The following PRKAG2 variants were observed in gnomAD, a reference collection of about 807,000 sequenced individuals.
PRKAG2 encodes 5'-AMP-activated protein kinase subunit gamma-2.
Under a neutral mutation model 69.6 loss-of-function variants are expected in PRKAG2, and 26 were observed. The ratio of observed to expected loss-of-function variants is 0.37; its 90% CI spans 0.27 to 0.52. The LOEUF is 0.52. Among genes scored for constraint, PRKAG2 ranks in the 20% least tolerant of loss-of-function variants. PRKAG2 has a pLI of 0.90. For synonymous variants in PRKAG2, 293 were observed against 285.0 expected, an observed-to-expected ratio of 1.03 and a Z score of -0.28; for missense variants, 557 against 740.0, an observed-to-expected ratio of 0.75 and a Z score of 2.87.
intron 5 of PRKAG2, among the ~76,000 whole-genome samples, chr7:151,605,343 T>C (rs1444693486): frequency 6.6e-6 from 1 of 151,614 alleles, no homozygotes; most frequent in African/African-American, 2.4e-5. Flanking sequence ...TTAAAATAAA[T>C]TATAATAAAC....
intron 1 of PRKAG2, among the ~76,000 whole-genome samples, chr7:151,870,378 G>A (rs923355688): frequency 1.3e-5 from 2 of 152,324 alleles, no homozygotes; most frequent in East Asian, 1.9e-4. Context: ...TCTGGGCTAC[G>A]AAGCAGAATT....
chr7:151,610,939 G>C (rs944338082), intron 5 of PRKAG2, among the ~76,000 whole-genome samples: 2 of 151,528 alleles, frequency 1.3e-5, no homozygotes, highest in Non-Finnish European at 1.5e-5. Context: ...TTTTTTGGTA[G>C]AGATGGGGTT....
At position 151,780,766 on chromosome 7, in the gene PRKAG2, T is replaced by C. The variant is rs2076622075; in HGVS notation, c.466+386A>G. 6.6e-6 allele frequency among the ~76,000 whole-genome samples: 1 copy of C among 152,106 alleles called. No homozygotes were observed. Among genetic ancestry groups the C allele is most frequent in the South Asian group, 2.1e-4 (1 of 4,818 alleles). On this transcript the variant is annotated intron_variant, in intron 3 of 15. Transcript: ENST00000287878. The surrounding 1 kb of genome is among the most constrained non-coding windows in gnomAD (Gnocchi z 4.2). ...AGCCATATCAGGCTGACCAAAGCAG[T>C]ATGGTCCCGTGGCCCCGGGTGAGGG... is the stretch of plus-strand genomic sequence containing the variant.
chr7:151,778,891 TA>T (rs1247135332), intron 3 of PRKAG2, among the ~76,000 whole-genome samples: 1 of 152,066 alleles, frequency 6.6e-6, no homozygotes, highest in Non-Finnish European at 1.5e-5. Context: ...TTTTAAAAAA[TA>T]AAAAAGGTAT....
intron 3 of PRKAG2, among the ~76,000 whole-genome samples, chr7:151,760,308 C>T (rs1376947901): frequency 2.0e-5 from 3 of 152,318 alleles, no homozygotes; most frequent in Non-Finnish European, 4.4e-5. Flanking sequence ...AGGATCTCGG[C>T]TCACTGCAAC....
At chr7:151,612,306 T>C (rs1398247763) in intron 5 of PRKAG2, among the ~76,000 whole-genome samples, 2 of 152,106 alleles carry the variant, frequency 1.3e-5, no homozygotes, top group African/African-American at 4.8e-5. Flanking sequence ...TCTTGCAGGG[T>C]GTTCCTAGTT....
At chr7:151,624,599 G>A (rs1035329619) in intron 5 of PRKAG2, among the ~76,000 whole-genome samples, 1 of 152,092 alleles carries the variant, frequency 6.6e-6, no homozygotes, top group Non-Finnish European at 1.5e-5. Flanking sequence ...GTGTAATCAC[G>A]GCCATGAAAG....
chr7:151,874,843 T>C (rs2080348633), intron 1 of PRKAG2, among the ~76,000 whole-genome samples: 1 of 152,206 alleles, frequency 6.6e-6, no homozygotes, highest in Non-Finnish European at 1.5e-5. Flanking sequence ...GAGCCATGAT[T>C]GCACCACTGC....
chr7:151,595,065 T>TG (rs930549465), intron 6 of PRKAG2, among the ~76,000 whole-genome samples: 74 of 152,360 alleles, frequency 4.9e-4, no homozygotes, highest in African/African-American at 1.8e-3. Context: ...CCCAAAGTGC[T>TG]GGGATTACAG....
intron 1 of PRKAG2, among the ~76,000 whole-genome samples, chr7:151,841,491 T>C (rs985222042): frequency 6.9e-6 from 1 of 145,000 alleles, no homozygotes; most frequent in African/African-American, 2.6e-5. Flanking sequence ...ATGATGGTAG[T>C]GATGGTAGGT....
At chr7:151,557,612 G>A (rs1259294590) in intron 15 of PRKAG2, 19 of 967,276 alleles carry the variant, frequency 2.0e-5, no homozygotes, top group Non-Finnish European at 2.1e-5. Context: ...GCTCACATCT[G>A]TAATCCCAGC....
In PRKAG2 at chr7:151,876,583, T is replaced by C. The variant is rs768453540; in HGVS notation, c.38A>G (p.Asp13Gly). The C allele has an allele frequency of 2.5e-6, 4 of 1,610,288 alleles. No individual in the cohort carries two copies. The Admixed American group carries it at 6.7e-5, about 27-fold the overall frequency. Reference protein sequence around the residue: ...SAVMDTKKKKDVSSPGGSGGK... With the variant: ...SAVMDTKKKKGVSSPGGSGGK... ...GCCGCTCCCGCCGGGGCTGGAAACA[T>C]CTTTTTTCTTCTTGGTGTCCATAAC... The change falls in exon 1 of 16, where the codon GAT becomes GGT. Residue 13 changes from aspartate (D) to glycine (G), a missense_variant. Around this residue, in one of 2 missense-constraint regions of PRKAG2, gnomAD observed 352 missense variants for 356.7 expected, o/e 0.99. Coordinates refer to ENST00000287878, the MANE Select transcript of PRKAG2 (RefSeq NM_016203.4).
chr7:151,583,873 C>T lies in PRKAG2; in HGVS notation c.865-7421G>A, dbSNP rs189155845. ...AAGTTTTTAGAATAGTGAGCAGGCC[C>T]GAGCTGCTCTAAGAGACTCTGGCAG... is the stretch of plus-strand genomic sequence containing the variant. On this transcript the variant is annotated intron_variant, in intron 6 of 15. Transcript: ENST00000287878. This position sits in a 1 kb window ranked among gnomAD's most constrained non-coding sequence, Gnocchi z 4.1. Among the ~76,000 whole-genome samples, 4 of 152,182 alleles carry T rather than the reference C, an allele frequency of 2.6e-5. No homozygotes were observed. Among genetic ancestry groups the T allele is most frequent in the South Asian group, 4.1e-4 (2 of 4,822 alleles).
At chr7:151,613,864 A>G in intron 5 of PRKAG2, among the ~76,000 whole-genome samples, 1 of 73,364 alleles carries the variant, frequency 1.4e-5, no homozygotes, top group African/African-American at 5.7e-5. Flanking sequence ...AGTGCAGTGG[A>G]CGATCTCGGC....
At chr7:151,674,831 A>G (rs1832643191) in intron 4 of PRKAG2, 1 of 164,114 alleles carries the variant, frequency 6.1e-6, no homozygotes, top group Non-Finnish European at 1.3e-5. Context: ...AATTCAAATA[A>G]AGCTTTCAAT....
intron 3 of PRKAG2, among the ~76,000 whole-genome samples, chr7:151,680,372 C>G (rs185261777): frequency 6.6e-6 from 1 of 152,150 alleles, no homozygotes; most frequent in African/African-American, 2.4e-5. Flanking sequence ...CCATTCCTGT[C>G]GGAACATGAC....
At chr7:151,578,179 C>T (rs1320003277) in intron 6 of PRKAG2, among the ~76,000 whole-genome samples, 1 of 151,694 alleles carries the variant, frequency 6.6e-6, no homozygotes, top group Non-Finnish European at 1.5e-5. Flanking sequence ...ACCTCGTCTC[C>T]ACTAAAAATA....
At chr7:151,696,735 C>T (rs1585844945) in intron 3 of PRKAG2, among the ~76,000 whole-genome samples, 1 of 152,334 alleles carries the variant, frequency 6.6e-6, no homozygotes, top group East Asian at 1.9e-4. Context: ...TCAGGCCAAA[C>T]CTCTCCTCTC....
intron 3 of PRKAG2, among the ~76,000 whole-genome samples, chr7:151,773,089 G>A (rs1439093317): frequency 1.2e-5 from 1 of 80,470 alleles, no homozygotes; most frequent in Non-Finnish European, 2.6e-5. Flanking sequence ...GAGGGAGGGA[G>A]GGAGGGAAGG....
Sources: allele counts gnomAD v4.1 joint callset (sites outside exome capture counted in the v4.1 genomes callset), GRCh38; gene constraint gnomAD v4.1.1; regional missense constraint gnomAD v4.1.1; non-coding constraint Gnocchi (gnomAD v3.1); transcripts MANE v1.5; gene names NCBI Gene and HGNC (gene_info 2026-07-23, HGNC 2026-07-21).